The following COG5 variants were observed in gnomAD, a reference collection of about 807,000 sequenced individuals.
COG5 encodes component of oligomeric golgi complex 5.
In COG5, 86 loss-of-function variants were observed where a neutral mutation model predicts 110.4. The observed-to-expected ratio is 0.78, with a 90% CI of 0.65 to 0.93. The LOEUF (loss-of-function observed/expected upper bound fraction) is 0.93, where lower values mean the gene tolerates loss of function less well. Among genes scored for constraint, COG5 ranks in the 40% least tolerant of loss-of-function variants. COG5 has a pLI of 0.00. For missense variants in COG5, 1,077 were observed against 987.0 expected (o/e 1.09, Z -1.22); for synonymous variants, 360 against 334.6 (o/e 1.08, Z -0.83).
At chr7:107,457,669 T>C (rs1199261172) in intron 6 of COG5, among the ~76,000 whole-genome samples, 7 of 151,188 alleles carry the variant, frequency 4.6e-5, no homozygotes, top group African/African-American at 1.7e-4. Flanking sequence ...GAAGTCGTGA[T>C]CCCCCCCGCC....
At chr7:107,324,333 T>G in intron 11 of COG5, 107 bp downstream of exon 11, 1 of 701,942 alleles carries the variant, frequency 1.4e-6, no homozygotes, top group Admixed American at 2.8e-5. Context: ...AATTTTAAAA[T>G]AGCAATAAAA....
At chr7:107,550,695 T>C (rs1802821094) in intron 3 of COG5, among the ~76,000 whole-genome samples, 1 of 152,186 alleles carries the variant, frequency 6.6e-6, no homozygotes, top group South Asian at 2.1e-4. Context: ...CTATAGAATT[T>C]ACAAATAAAA....
chr7:107,277,034 T>A (rs563093842), intron 14 of COG5, among the ~76,000 whole-genome samples: 7 of 152,168 alleles, frequency 4.6e-5, no homozygotes, highest in Non-Finnish European at 1.0e-4. Flanking sequence ...CAATGCTAAA[T>A]CCCTATTATT....
At chr7:107,508,260 G>A (rs969290428) in intron 6 of COG5, among the ~76,000 whole-genome samples, 2 of 152,236 alleles carry the variant, frequency 1.3e-5, no homozygotes, top group Non-Finnish European at 2.9e-5. Flanking sequence ...AGGGTCCTAT[G>A]CCCACAGAGT....
chr7:107,412,753 T>TG, intron 6 of COG5, 121 bp from the exon 7 acceptor site: 1 of 651,772 alleles, frequency 1.5e-6, no homozygotes, highest in Non-Finnish European at 2.6e-6. Context: ...AGGGTTGCCA[T>TG]TCAAAATCCG....
chr7:107,447,009 GCTGT>G (rs1795045122), intron 6 of COG5, among the ~76,000 whole-genome samples: 1 of 152,198 alleles, frequency 6.6e-6, no homozygotes, highest in African/African-American at 2.4e-5. Flanking sequence ...CAAGGTATTG[GCTGT>G]CTGTGTTACT....
chr7:107,288,348 C>T (rs1353618292), intron 12 of COG5, among the ~76,000 whole-genome samples: 3 of 152,078 alleles, frequency 2.0e-5, no homozygotes, highest in South Asian at 4.1e-4. Flanking sequence ...GGCTACAGAA[C>T]GAGACCCAGT....
chr7:107,343,933 A>G (rs1584704409), intron 10 of COG5, among the ~76,000 whole-genome samples: 2 of 152,060 alleles, frequency 1.3e-5, no homozygotes, highest in Middle Eastern at 3.4e-3. Flanking sequence ...ACCACACTAT[A>G]AACAGATGTG....
chr7:107,388,410 T>C (rs1790360914), intron 7 of COG5, among the ~76,000 whole-genome samples: 1 of 152,224 alleles, frequency 6.6e-6, no homozygotes, highest in Admixed American at 6.5e-5. Context: ...GTCCAGCTTA[T>C]GCCAGCTCAC....
chr7:107,348,447 C>G (rs1811834449), intron 10 of COG5, among the ~76,000 whole-genome samples: 1 of 152,110 alleles, frequency 6.6e-6, no homozygotes, highest in South Asian at 2.1e-4. Context: ...TGTAGACTTT[C>G]AACTACTGAT....
At chr7:107,451,696 T>C (rs1468262626) in intron 6 of COG5, among the ~76,000 whole-genome samples, 2 of 152,202 alleles carry the variant, frequency 1.3e-5, no homozygotes, top group African/African-American at 4.8e-5. Context: ...TCTTTGATGA[T>C]CCACTTCCAA....
At position 107,488,999 on chromosome 7, in the gene COG5, G is replaced by A. The variant is rs547191042; in HGVS notation, c.538+38238C>T. ...AGAGACCTGAGCAACCAAACATTGT[G>A]ATTTTTCCAACCTTTGGAATGTTCC... is the stretch of plus-strand genomic sequence containing the variant. On this transcript the variant is annotated intron_variant, in intron 6 of 21. Transcript: ENST00000297135. 1.2e-3 allele frequency among the ~76,000 whole-genome samples: 184 copies of A among 152,168 alleles called. 2 individuals are homozygous for A. Among genetic ancestry groups the A allele is most frequent in the African/African-American group, 4.2e-3 (175 of 41,526 alleles).
At chr7:107,333,167 A>T (rs559881287) in intron 10 of COG5, among the ~76,000 whole-genome samples, 1 of 152,352 alleles carries the variant, frequency 6.6e-6, no homozygotes, top group African/African-American at 2.4e-5. Flanking sequence ...TGCCGATTTG[A>T]TCAAAGAAAT....
At chr7:107,298,040 G>T in intron 12 of COG5, 102 bp downstream of exon 12, 1 of 475,194 alleles carries the variant, frequency 2.1e-6, no homozygotes, top group Non-Finnish European at 3.3e-6. Context: ...TTAGAGACTT[G>T]GTATATACTT....
At chr7:107,267,064 T>G (rs796904705) in intron 14 of COG5, among the ~76,000 whole-genome samples, 12 of 152,242 alleles carry the variant, frequency 7.9e-5, no homozygotes, top group African/African-American at 2.9e-4. Context: ...AGTTAATATA[T>G]AACCAAAAAG....
At chr7:107,412,674 T>G in intron 6 of COG5, 42 bp from the exon 7 acceptor site, 2 of 1,214,478 alleles carry the variant, frequency 1.6e-6, no homozygotes, top group East Asian at 4.8e-5. Flanking sequence ...ATTTCAATAC[T>G]GAATAAATAT....
chr7:107,288,945 T>G (rs867337674), intron 12 of COG5, among the ~76,000 whole-genome samples: 3,438 of 97,612 alleles, frequency 0.035, 292 homozygotes, highest in African/African-American at 0.11. Context: ...TATATATATA[T>G]ATATATATAT....
At chr7:107,354,342 G>C (rs559444371) in intron 10 of COG5, among the ~76,000 whole-genome samples, 1 of 152,304 alleles carries the variant, frequency 6.6e-6, no homozygotes, top group Admixed American at 6.5e-5. Context: ...GCTAGCATTT[G>C]TTCAGTTTAT....
intron 7 of COG5, among the ~76,000 whole-genome samples, chr7:107,396,464 T>C (rs1791016568): frequency 6.9e-6 from 1 of 145,188 alleles, no homozygotes; most frequent in Non-Finnish European, 1.5e-5. Flanking sequence ...AAATCAACTT[T>C]ATTCTAGCCT....
Sources: gnomAD v4.1 joint callset for allele counts (sites outside exome capture counted in the v4.1 genomes callset) on GRCh38, gnomAD v4.1.1 for gene constraint, MANE v1.5 for transcripts, NCBI Gene and HGNC (gene_info 2026-07-23, HGNC 2026-07-21) for gene names.